DHTKD1: variants seen among roughly 807,000 people sequenced by gnomAD.
DHTKD1 encodes the protein 2-oxoadipate dehydrogenase complex component E1.
Under a neutral mutation model 101.8 loss-of-function variants are expected in DHTKD1, and 78 were observed. The ratio of observed to expected loss-of-function variants is 0.77; its 90% CI spans 0.64 to 0.93. The LOEUF (loss-of-function observed/expected upper bound fraction) is 0.93. Ranked by LOEUF, DHTKD1 falls within the 40% of genes least tolerant of loss-of-function variation. The pLI, the probability that DHTKD1 is intolerant of heterozygous loss-of-function variation, is 0.00. For synonymous variants in DHTKD1, 462 were observed against 450.3 expected, an observed-to-expected ratio of 1.03 and a Z score of -0.33; for missense variants, 1,223 against 1,161.7, an observed-to-expected ratio of 1.05 and a Z score of -0.77.
chr10:12,091,443 T>G, intron 5 of DHTKD1, 70 bp from the exon 6 acceptor site: 1 of 864,124 alleles, frequency 1.2e-6, no homozygotes, highest in Non-Finnish European at 1.7e-6. Flanking sequence ...TATTCCAACC[T>G]GAAAACCTAG....
chr10:12,072,863 A>G (rs561412595), intron 1 of DHTKD1, among the ~76,000 whole-genome samples: 1 of 151,678 alleles, frequency 6.6e-6, no homozygotes, highest in Non-Finnish European at 1.5e-5. Context: ...CAGCCTCCTG[A>G]GTAGCTAGGA....
intron 6 of DHTKD1, among the ~76,000 whole-genome samples, chr10:12,093,086 C>T (rs1833016603): frequency 6.6e-6 from 1 of 151,460 alleles, no homozygotes; most frequent in South Asian, 2.1e-4. Flanking sequence ...TCTTGTTGCC[C>T]ACGCTGCAGT....
intron 3 of DHTKD1, among the ~76,000 whole-genome samples, chr10:12,085,139 G>A (rs10795931): frequency 0.48 from 72,831 of 151,740 alleles, 19,177 homozygotes; most frequent in South Asian, 0.72. Context: ...GAGAAACCCC[G>A]TCTCTACTAA....
chr10:12,071,675 C>A (rs141184746), intron 1 of DHTKD1, among the ~76,000 whole-genome samples: 17 of 152,106 alleles, frequency 1.1e-4, no homozygotes, highest in African/African-American at 4.1e-4. Context: ...CGCCTGTAAT[C>A]CCCGCACTTT....
In DHTKD1 at chr10:12,097,707, C is replaced by G. The variant is rs201559023; in HGVS notation, c.1382C>G (p.Thr461Arg). The G allele has an allele frequency of 2.9e-5, 47 of 1,613,368 alleles. No homozygotes were observed. The highest frequency in any genetic ancestry group is 4.0e-5 in the Non-Finnish European group (47 of 1,179,642). ...AGAGCTCGAAAGAGCATTCCAGACA[C>G]ATATGCAGAGCACCTCATTGCTGGC... is the stretch of plus-strand genomic sequence containing the variant. ...IIRARKSIPDTYAEHLIAGGL... is the reference protein window; with the variant it reads ...IIRARKSIPDRYAEHLIAGGL... The change falls in exon 8 of 17, where the codon ACA (threonine) becomes AGA (arginine). Residue 461 changes from threonine to arginine, a missense_variant. Transcript: ENST00000263035.
intron 1 of DHTKD1, among the ~76,000 whole-genome samples, chr10:12,073,037 GT>G (rs1351086192): frequency 1.3e-5 from 2 of 150,280 alleles, no homozygotes; most frequent in African/African-American, 4.9e-5. Context: ...TGCCTGACCT[GT>G]TTATTTGTTT....
At chr10:12,093,034 A>G (rs917925690) in intron 6 of DHTKD1, among the ~76,000 whole-genome samples, 1 of 136,468 alleles carries the variant, frequency 7.3e-6, no homozygotes, top group Non-Finnish European at 1.6e-5. Flanking sequence ...ACATGCCACC[A>G]TGCACAGCTA....
intron 1 of DHTKD1, among the ~76,000 whole-genome samples, chr10:12,076,466 ACT>A (rs1832732885): frequency 6.6e-6 from 1 of 150,978 alleles, no homozygotes. Flanking sequence ...ACAGAGCGAG[ACT>A]CTGTCTCAAA....
Position 12,113,449 on chromosome 10 carries a change from C to T in DHTKD1, c.2319+385C>T, listed in dbSNP as rs568902807. On this transcript the variant is annotated intron_variant, in intron 13 of 16. Coordinates refer to ENST00000263035, the MANE Select transcript of DHTKD1 (RefSeq NM_018706.7). ...TTGACCTCAGGTGATTCGCCCGCCTCGGCCTCCCAAAGTGCTGGGATTGCA... is the reference window on the plus strand; with the variant it reads ...TTGACCTCAGGTGATTCGCCCGCCTTGGCCTCCCAAAGTGCTGGGATTGCA... 1.4e-4 allele frequency among the ~76,000 whole-genome samples: 21 copies of T among 152,300 alleles called. No individual in the cohort carries two copies. In the East Asian group the frequency reaches 1.7e-3, roughly 13 times the overall value.
intron 1 of DHTKD1, among the ~76,000 whole-genome samples, chr10:12,074,501 G>A (rs1194991075): frequency 6.6e-6 from 1 of 151,838 alleles, no homozygotes; most frequent in East Asian, 1.9e-4. Context: ...GACTACAGGT[G>A]CCCGCCACCA....
intron 13 of DHTKD1, among the ~76,000 whole-genome samples, chr10:12,115,929 T>A (rs1413410712): frequency 7.9e-6 from 1 of 126,122 alleles, no homozygotes; most frequent in Non-Finnish European, 1.6e-5. Context: ...CACCCAGCAA[T>A]TTTTTTTTTT....
At chr10:12,091,991 T>TA (rs1465674893) in intron 6 of DHTKD1, among the ~76,000 whole-genome samples, 52 of 148,756 alleles carry the variant, frequency 3.5e-4, no homozygotes, top group Non-Finnish European at 6.7e-4. Context: ...TTTTTTTTTT[T>TA]AGATGGAGTC....
At position 12,117,700 on chromosome 10, in the gene DHTKD1, G is replaced by A; in HGVS notation, c.2347G>A (p.Ala783Thr). 6.2e-7 allele frequency: 1 copy of A among 1,606,942 alleles called. No homozygotes were observed. Among genetic ancestry groups the A allele is most frequent in the Non-Finnish European group, 8.5e-7 (1 of 1,175,928 alleles). Residue 783 changes from alanine (A) to threonine (T), a missense_variant, in exon 14 of 17, where the codon GCA (alanine) becomes ACA (threonine). Ala to Thr is a moderately conservative substitution (Grantham distance 58, BLOSUM62 0). Coordinates refer to ENST00000263035, the MANE Select transcript of DHTKD1 (RefSeq NM_018706.7). Reference sequence around the variant, plus strand: ...AGCCGTGTCAACTCTTCAAGAAATGGCACCAGGAACAACATTTAACCCGGT... The same window carrying A: ...AGCCGTGTCAACTCTTCAAGAAATGACACCAGGAACAACATTTAACCCGGT... ...PAAVSTLQEM[A>T]PGTTFNPVIG...
chr10:12,080,724 G>C (rs1158775051), intron 1 of DHTKD1, among the ~76,000 whole-genome samples: 2 of 146,638 alleles, frequency 1.4e-5, no homozygotes, highest in African/African-American at 5.0e-5. Flanking sequence ...AAAAAAAAAA[G>C]AAAAGAAGAA....
At chr10:12,082,289 G>C (rs963930202) in intron 2 of DHTKD1, among the ~76,000 whole-genome samples, 1 of 152,148 alleles carries the variant, frequency 6.6e-6, no homozygotes, top group Admixed American at 6.6e-5. Context: ...AGTGGCAGAG[G>C]TGGGGTGAAA....
chr10:12,088,149 G>GATC (rs538807775), intron 4 of DHTKD1, among the ~76,000 whole-genome samples: 380 of 151,098 alleles, frequency 2.5e-3, no homozygotes, highest in Non-Finnish European at 4.0e-3. Flanking sequence ...AACTCATGGT[G>GATC]ATCATTCATT....
At chr10:12,081,717 G>T in intron 2 of DHTKD1, 90 bp downstream of exon 2, 2 of 1,474,170 alleles carry the variant, frequency 1.4e-6, no homozygotes, top group Non-Finnish European at 9.3e-7. Flanking sequence ...ATCCCCACTG[G>T]AGCTGAGGCT....
rs1164480927 is a variant in DHTKD1 at position 12,121,933 on chromosome 10, T to C, written c.*1045T>C. 6.6e-6 allele frequency: 1 copy of C among 152,148 alleles called. No homozygotes were observed. Among genetic ancestry groups the C allele is most frequent in the South Asian group, 2.1e-4 (1 of 4,822 alleles). 9.4% of individuals were successfully genotyped at this position (152,148 alleles called of 1,614,324 possible). On this transcript the variant is annotated 3_prime_UTR_variant, in exon 17 of 17. Coordinates refer to ENST00000263035, the MANE Select transcript of DHTKD1 (RefSeq NM_018706.7). ...GACCTCAACACTGCCTCTTGATTTG[T>C]TTGATGCATGTCACTTTCATTAATT...
chr10:12,088,729 A>G (rs1213936378), intron 4 of DHTKD1, among the ~76,000 whole-genome samples: 4 of 151,864 alleles, frequency 2.6e-5, no homozygotes, highest in African/African-American at 4.8e-5. Context: ...GATTACAGGT[A>G]CCTGCCACCA....
Sources: gnomAD v4.1 joint callset for allele counts (sites outside exome capture counted in the v4.1 genomes callset) on GRCh38, gnomAD v4.1.1 for gene constraint, MANE v1.5 for transcripts, NCBI Gene and HGNC (gene_info 2026-07-23, HGNC 2026-07-21) for gene names.